NFIB: variants seen among roughly 807,000 people sequenced by gnomAD.
NFIB encodes nuclear factor 1 B-type.
NFIB carries 11 observed loss-of-function variants against 61.5 expected under a neutral mutation model. That is an observed-to-expected ratio of 0.18 (90% CI 0.11 to 0.30). The LOEUF (loss-of-function observed/expected upper bound fraction) is 0.30. Ranked by LOEUF, NFIB falls within the 10% of genes least tolerant of loss-of-function variation. The pLI is 1.00. For missense variants in NFIB, 471 were observed against 608.9 expected, an observed-to-expected ratio of 0.77 and a Z score of 2.38; for synonymous variants, 260 against 216.5, an observed-to-expected ratio of 1.20 and a Z score of -1.76.
chr9:14,266,978 A>G (rs761854648), intron 2 of NFIB, among the ~76,000 whole-genome samples: 1 of 152,226 alleles, frequency 6.6e-6, no homozygotes, highest in Non-Finnish European at 1.5e-5. Flanking sequence ...AAATTCACAG[A>G]ATCAGAACTG....
intron 2 of NFIB, among the ~76,000 whole-genome samples, chr9:14,217,516 T>C (rs2051063169): frequency 6.6e-6 from 1 of 151,908 alleles, no homozygotes; most frequent in African/African-American, 2.4e-5. Context: ...CAAAATTGGC[T>C]GGGCGTGGTG....
chr9:14,390,989 T>TA (rs2061612583), intron 1 of NFIB, among the ~76,000 whole-genome samples: 1 of 152,104 alleles, frequency 6.6e-6, no homozygotes, highest in South Asian at 2.1e-4. Context: ...ATTGCATATA[T>TA]AAAGAAATGG....
intron 1 of NFIB, among the ~76,000 whole-genome samples, chr9:14,388,358 G>A (rs1588409204): frequency 1.2e-5 from 1 of 86,766 alleles, no homozygotes; most frequent in East Asian, 3.8e-4. Flanking sequence ...TTTTCAAAAA[G>A]AGAAAGAAAG....
At chr9:14,427,934 G>GTTTT in the NFIB span, among the ~76,000 whole-genome samples, 85 of 25,958 alleles carry the variant, frequency 3.3e-3, no homozygotes, top group Middle Eastern at 0.028. Flanking sequence ...CTTTAATTCA[G>GTTTT]TTGTTTTTTT....
the NFIB span, among the ~76,000 whole-genome samples, chr9:14,517,047 T>A: frequency 6.6e-6 from 1 of 152,218 alleles, no homozygotes; most frequent in African/African-American, 2.4e-5. Context: ...AATTATGGGT[T>A]TCCTCTCTGA....
At chr9:14,360,212 G>T (rs1476850948) in intron 1 of NFIB, among the ~76,000 whole-genome samples, 5 of 152,136 alleles carry the variant, frequency 3.3e-5, no homozygotes, top group Non-Finnish European at 7.3e-5. Context: ...CTTATATTAA[G>T]CCCAACCCTT....
rs375628864 is a variant in NFIB at position 14,179,665 on chromosome 9, T to C, written c.616+62A>G. ...TGACCAATTATGGGGTGTTTATCTA[T>C]ACAGTGGTACCTTTGTTCTCCAACA... On this transcript the variant is annotated intron_variant, in intron 3 of 10. Transcript: ENST00000380953. 1.8e-5 allele frequency: 28 copies of C among 1,578,310 alleles called. No individual in the cohort carries two copies. In the African/African-American group the frequency reaches 3.1e-4, roughly 17 times the overall value.
At chr9:14,164,392 G>A (rs923326508) in intron 3 of NFIB, among the ~76,000 whole-genome samples, 5 of 151,956 alleles carry the variant, frequency 3.3e-5, no homozygotes, top group African/African-American at 1.2e-4. Flanking sequence ...TAGCTCCTAG[G>A]CTACAAACCT....
upstream of NFIB, among the ~76,000 whole-genome samples, chr9:14,315,701 T>A (rs964251717): frequency 7.9e-5 from 12 of 151,326 alleles, no homozygotes; most frequent in African/African-American, 2.9e-4. Flanking sequence ...CCAGGGATTT[T>A]GAAGAAGGCG....
intron 2 of NFIB, among the ~76,000 whole-genome samples, chr9:14,248,588 G>A (rs546939783): frequency 2.0e-5 from 3 of 152,180 alleles, no homozygotes; most frequent in African/African-American, 7.2e-5. Context: ...CTTTTTGTTA[G>A]TAATAACAAT....
chr9:14,179,031 A>C (rs2131428748), intron 3 of NFIB, among the ~76,000 whole-genome samples: 1 of 152,258 alleles, frequency 6.6e-6, no homozygotes, highest in East Asian at 1.9e-4. Context: ...ACATTCTTTT[A>C]ATAATGAAAA....
intron 2 of NFIB, among the ~76,000 whole-genome samples, chr9:14,293,664 C>T (rs1020807700): frequency 2.6e-5 from 4 of 152,336 alleles, no homozygotes; most frequent in Middle Eastern, 3.4e-3. Context: ...GACTTTAAAA[C>T]GGAGTCTACT....
upstream of NFIB, among the ~76,000 whole-genome samples, chr9:14,315,563 G>C (rs1259550737): frequency 1.4e-5 from 2 of 143,506 alleles, no homozygotes; most frequent in African/African-American, 5.0e-5. Context: ...GCGGGCGCGC[G>C]CGCGCCGCTG....
intron 2 of NFIB, among the ~76,000 whole-genome samples, chr9:14,210,201 T>A (rs1331830861): frequency 6.6e-6 from 1 of 152,184 alleles, no homozygotes; most frequent in Non-Finnish European, 1.5e-5. Flanking sequence ...TTTTGCTTCC[T>A]TTTTAGAATG....
chr9:14,279,625 T>G (rs1380443671), intron 2 of NFIB, among the ~76,000 whole-genome samples: 1 of 152,176 alleles, frequency 6.6e-6, no homozygotes, highest in Non-Finnish European at 1.5e-5. Flanking sequence ...TCAAAGCACC[T>G]AAGATATTTT....
chr9:14,287,459 C>T (rs1274432372), intron 2 of NFIB, among the ~76,000 whole-genome samples: 1 of 151,732 alleles, frequency 6.6e-6, no homozygotes. Flanking sequence ...GTTCTGCTCT[C>T]GTTGCTCAGG....
the NFIB span, among the ~76,000 whole-genome samples, chr9:14,494,630 G>A: frequency 6.6e-6 from 1 of 152,186 alleles, no homozygotes; most frequent in Non-Finnish European, 1.5e-5. Flanking sequence ...TGGCTATTGA[G>A]ACTTCTGCTT....
At chr9:14,472,517 T>C in the NFIB span, among the ~76,000 whole-genome samples, 748 of 152,326 alleles carry the variant, frequency 4.9e-3, 8 homozygotes, top group African/African-American at 0.017. Context: ...TAAAGCTTTA[T>C]TTTAAATTTC....
At chr9:14,512,820 G>A in the NFIB span, among the ~76,000 whole-genome samples, 1 of 149,942 alleles carries the variant, frequency 6.7e-6, no homozygotes, top group East Asian at 2.0e-4. Flanking sequence ...TCAGAGTTAA[G>A]CTACCTTTAC....
Sources: gnomAD v4.1 joint callset for allele counts (sites outside exome capture counted in the v4.1 genomes callset) on GRCh38, gnomAD v4.1.1 for gene constraint, MANE v1.5 for transcripts, NCBI Gene and HGNC (gene_info 2026-07-23, HGNC 2026-07-21) for gene names.